USP34: variants seen among roughly 807,000 people sequenced by gnomAD.
USP34 encodes the protein ubiquitin carboxyl-terminal hydrolase 34.
A neutral mutation model predicts 460.3 loss-of-function variants in USP34; 70 were observed. The ratio of observed to expected loss-of-function variants is 0.15; its 90% CI spans 0.13 to 0.19. USP34 has a LOEUF of 0.19. Ranked by LOEUF, USP34 falls within the 10% of genes least tolerant of loss-of-function variation. The pLI is 1.00. For synonymous variants in USP34, 1,647 were observed against 1,405.3 expected (o/e 1.17, Z -3.85); for missense variants, 3,985 against 4,236.2 (o/e 0.94, Z 1.65).
chr2:61,423,039 A>C (rs1022003291), intron 1 of USP34, among the ~76,000 whole-genome samples: 3 of 152,222 alleles, frequency 2.0e-5, no homozygotes, highest in Non-Finnish European at 4.4e-5. Flanking sequence ...AAAAACAAAC[A>C]AACAAAAAAT....
chr2:61,424,028 T>C (rs1364321704), intron 1 of USP34, among the ~76,000 whole-genome samples: 1 of 152,248 alleles, frequency 6.6e-6, no homozygotes, highest in Non-Finnish European at 1.5e-5. Context: ...TTGTGTACTC[T>C]TGCTGGGAAT....
intron 8 of USP34, among the ~76,000 whole-genome samples, chr2:61,370,792 C>T (rs1044402563): frequency 5.3e-5 from 8 of 152,040 alleles, no homozygotes; most frequent in African/African-American, 1.9e-4. Context: ...AAACAAGCAA[C>T]GAATAACTGA....
rs746928331 is a variant in USP34, at chr2:61,319,272, T to C, written c.3069A>G (p.Glu1023=). The stretch of plus-strand genomic sequence containing the variant: ...ACCAATGGAGTGCATCATCATAACA[T>C]TCAGAATCTTCTACTAAACAATGCC... ...ILWHCLVEDS[E]CYDDALHWFL... Residue 1023 remains glutamate (E), a synonymous_variant, in exon 22 of 80, where the codon GAA becomes GAG. Coordinates refer to ENST00000398571, the MANE Select transcript of USP34 (RefSeq NM_014709.4). 48 of 1,592,188 alleles carry C rather than the reference T, an allele frequency of 3.0e-5. No homozygotes were observed. Among genetic ancestry groups the C allele is most frequent in the Non-Finnish European group, 4.1e-5 (48 of 1,173,738 alleles).
chr2:61,227,052 T>C lies in USP34; in HGVS notation c.7595+15A>G. ...CCAAACATGCTTTAAACATTTTAAA[T>C]TCGAAACATTTCACCTTTCTGATCG... On this transcript the variant is annotated intron_variant, in intron 62 of 79. Transcript: ENST00000398571. 1.3e-6 allele frequency: 2 copies of C among 1,578,190 alleles called. No homozygotes were observed. Among genetic ancestry groups the C allele is most frequent in the South Asian group, 2.4e-5 (2 of 84,454 alleles).
chr2:61,434,768 A>AGGG (rs36007708), intron 1 of USP34, among the ~76,000 whole-genome samples: 3,024 of 149,180 alleles, frequency 0.02, 70 homozygotes, highest in East Asian at 0.11. Context: ...TAAAATTGAA[A>AGGG]GGGGGGGGGT....
At chr2:61,343,755 T>A (rs200235605) in intron 16 of USP34, 60 bp downstream of exon 16, 3 of 630,254 alleles carry the variant, frequency 4.8e-6, no homozygotes, top group East Asian at 4.8e-5. Context: ...TTCAACAAAG[T>A]AAGATAAATT....
In USP34 at chr2:61,311,170, TG is replaced by T. The variant is rs1282059946; in HGVS notation, c.3817+369del. Among the ~76,000 whole-genome samples the T allele has an allele frequency of 2.6e-5, 4 of 152,148 alleles. No individual in the cohort carries two copies. In the East Asian group the frequency reaches 5.8e-4, roughly 22 times the overall value. ...TCTCCAATGCAACAGGTTTTAGATG[TG>T]GGGTCTTTGGAGAGGCCATGAATGA... is the stretch of plus-strand genomic sequence containing the variant. On this transcript the variant is annotated intron_variant, in intron 27 of 79. Transcript: ENST00000398571.
intron 2 of USP34, chr2:61,417,189 T>C: frequency 1.3e-6 from 2 of 1,572,624 alleles, no homozygotes; most frequent in Non-Finnish European, 8.6e-7. Context: ...ACATGCCTGT[T>C]TGGACCCTAC....
intron 1 of USP34, among the ~76,000 whole-genome samples, chr2:61,434,515 C>T (rs1249224833): frequency 1.3e-5 from 2 of 152,172 alleles, no homozygotes; most frequent in East Asian, 1.9e-4. Context: ...CCAAGTTGGC[C>T]AACTCACCAT....
intron 1 of USP34, among the ~76,000 whole-genome samples, chr2:61,436,017 G>C (rs1016529881): frequency 6.6e-6 from 1 of 151,818 alleles, no homozygotes; most frequent in Non-Finnish European, 1.5e-5. Flanking sequence ...GACAAAGTGA[G>C]ACACCATCTC....
chr2:61,431,179 C>G (rs1469875267), intron 1 of USP34, among the ~76,000 whole-genome samples: 1 of 152,038 alleles, frequency 6.6e-6, no homozygotes, highest in East Asian at 1.9e-4. Context: ...TATAGTACTG[C>G]AGGATGACTA....
intron 1 of USP34, among the ~76,000 whole-genome samples, chr2:61,443,493 T>TAAA (rs59059487): frequency 6.8e-5 from 10 of 147,784 alleles, no homozygotes; most frequent in South Asian, 2.1e-4. Flanking sequence ...GCAGATGTGT[T>TAAA]AAAAAAAAAA....
chr2:61,448,275 A>G (rs758487881), intron 1 of USP34, among the ~76,000 whole-genome samples: 5 of 152,192 alleles, frequency 3.3e-5, no homozygotes, highest in Non-Finnish European at 7.3e-5. Context: ...GGAGTTCAAG[A>G]CCAGACTGGG....
At chr2:61,281,427 C>T (rs1689532735) in intron 37 of USP34, among the ~76,000 whole-genome samples, 185 bp from the exon 38 acceptor site, 1 of 152,202 alleles carries the variant, frequency 6.6e-6, no homozygotes, top group Non-Finnish European at 1.5e-5. Context: ...GCCTGGCCAA[C>T]ATGGCAAAAC....
In USP34 at chr2:61,314,998, T is replaced by C. The variant is rs768847915; in HGVS notation, c.3283-24A>G. 1.4e-5 allele frequency: 22 copies of C among 1,586,902 alleles called. No individual in the cohort carries two copies. The Admixed American group carries it at 2.3e-4, about 17-fold the overall frequency. ...AGCTAAGAAAGAAAAATATGGTATC[T>C]CTAAATTTTGTTTGTCAAACTATGT... is the stretch of plus-strand genomic sequence containing the variant. On this transcript the variant is annotated intron_variant, in intron 23 of 79. Coordinates refer to ENST00000398571, the MANE Select transcript of USP34 (RefSeq NM_014709.4).
chr2:61,354,529 G>C (rs1200722949), intron 10 of USP34, among the ~76,000 whole-genome samples: 1 of 152,182 alleles, frequency 6.6e-6, no homozygotes, highest in Non-Finnish European at 1.5e-5. Flanking sequence ...GCCACTAAAT[G>C]GGAGAAGGGG....
At chr2:61,349,871 A>AAC in intron 12 of USP34, among the ~76,000 whole-genome samples, 1 of 151,402 alleles carries the variant, frequency 6.6e-6, no homozygotes, top group African/African-American at 2.4e-5. Flanking sequence ...ACAACAACAA[A>AAC]AAAACCCCAC....
chr2:61,310,156 G>A (rs1005790533), intron 27 of USP34, among the ~76,000 whole-genome samples: 7 of 152,138 alleles, frequency 4.6e-5, no homozygotes, highest in Non-Finnish European at 7.4e-5. Flanking sequence ...TGGTAGGTAC[G>A]TGGATTTTCA....
At chr2:61,464,793 AAAT>A (rs1317717243) in intron 1 of USP34, among the ~76,000 whole-genome samples, 3 of 151,900 alleles carry the variant, frequency 2.0e-5, no homozygotes, top group Non-Finnish European at 2.9e-5. Context: ...CTTACGAGGT[AAAT>A]AACCTCAGTT....
Sources: allele counts gnomAD v4.1 joint callset (sites outside exome capture counted in the v4.1 genomes callset), GRCh38; gene constraint gnomAD v4.1.1; transcripts MANE v1.5; gene names NCBI Gene and HGNC (gene_info 2026-07-23, HGNC 2026-07-21).